The following FAM135B variants were observed in gnomAD, a reference collection of about 807,000 sequenced individuals.
FAM135B encodes family with sequence similarity 135 member B.
A neutral mutation model predicts 127.7 loss-of-function variants in FAM135B; 43 were observed. The observed-to-expected ratio is 0.34, with a 90% CI of 0.26 to 0.43. The LOEUF (loss-of-function observed/expected upper bound fraction) is 0.43. Ranked by LOEUF, FAM135B falls within the 20% of genes least tolerant of loss-of-function variation. The pLI is 1.00. For missense variants in FAM135B, 1,558 were observed against 1,725.6 expected (o/e 0.90, Z 1.72); for synonymous variants, 670 against 665.1 (o/e 1.01, Z -0.11).
At chr8:138,371,506 G>C (rs927571961) in intron 1 of FAM135B, among the ~76,000 whole-genome samples, 1 of 152,128 alleles carries the variant, frequency 6.6e-6, no homozygotes, top group African/African-American at 2.4e-5. Flanking sequence ...GTAGGACTGA[G>C]TTCAGGTGCA....
chr8:138,246,424 G>A (rs963545541), intron 6 of FAM135B, among the ~76,000 whole-genome samples: 2 of 152,146 alleles, frequency 1.3e-5, no homozygotes, highest in Non-Finnish European at 2.9e-5. Context: ...AGCTGCTCCA[G>A]TTGTGGCTAA....
At chr8:138,388,670 A>G (rs1333872002) in intron 1 of FAM135B, among the ~76,000 whole-genome samples, 1 of 152,218 alleles carries the variant, frequency 6.6e-6, no homozygotes, top group Non-Finnish European at 1.5e-5. Context: ...TATGATTCCA[A>G]ATATATGATG....
intron 1 of FAM135B, among the ~76,000 whole-genome samples, chr8:138,472,809 C>A (rs968389516): frequency 6.6e-6 from 1 of 152,156 alleles, no homozygotes; most frequent in Non-Finnish European, 1.5e-5. Flanking sequence ...AGACTGAGCG[C>A]TAGTAGATGC....
intron 3 of FAM135B, among the ~76,000 whole-genome samples, chr8:138,299,113 T>A (rs370839614): frequency 5.6e-4 from 80 of 143,140 alleles, no homozygotes; most frequent in East Asian, 3.7e-3. Flanking sequence ...ATAAATAAAA[T>A]AAAAATAAAA....
intron 3 of FAM135B, among the ~76,000 whole-genome samples, chr8:138,281,385 C>T (rs1183359835): frequency 1.3e-5 from 2 of 151,914 alleles, no homozygotes; most frequent in Non-Finnish European, 2.9e-5. Flanking sequence ...AAGGATGTCT[C>T]TACTGGCTGT....
chr8:138,308,944 C>T (rs749230224), intron 3 of FAM135B: 2 of 436,074 alleles, frequency 4.6e-6, no homozygotes, highest in Non-Finnish European at 4.5e-6. Flanking sequence ...GCAGGTTCCT[C>T]AAACCCCTGA....
At chr8:138,372,168 T>TAACC (rs1255833839) in intron 1 of FAM135B, among the ~76,000 whole-genome samples, 3 of 152,038 alleles carry the variant, frequency 2.0e-5, no homozygotes, top group African/African-American at 7.2e-5. Context: ...GTGAAGAGAG[T>TAACC]AACCACAGCA....
chr8:138,144,756 G>C (rs751945345), intron 15 of FAM135B, among the ~76,000 whole-genome samples: 1 of 152,176 alleles, frequency 6.6e-6, no homozygotes, highest in African/African-American at 2.4e-5. Context: ...ATTGTGTAAA[G>C]GTCCAGCTCT....
rs1302958077 is a variant in FAM135B at position 138,241,158 on chromosome 8, T to C, written c.669+1784A>G. On this transcript the variant is annotated intron_variant, in intron 7 of 19. Transcript: ENST00000395297. The surrounding 1 kb of genome is among the most constrained non-coding windows in gnomAD (Gnocchi z 4.8). ...ACCACGGGGAGCTTTGCCTCAGTGA[T>C]GGTCCTGTAGCAAAGGACCCACAGC... 6.6e-6 allele frequency among the ~76,000 whole-genome samples: 1 copy of C among 152,206 alleles called. No individual in the cohort carries two copies. Among genetic ancestry groups the C allele is most frequent in the Admixed American group, 6.5e-5 (1 of 15,282 alleles).
chr8:138,362,385 T>C (rs1185962160), intron 2 of FAM135B, among the ~76,000 whole-genome samples: 10 of 151,364 alleles, frequency 6.6e-5, no homozygotes, highest in Admixed American at 1.3e-4. Context: ...GCATGGACTA[T>C]GGTGCACATG....
rs562321581 is a variant in FAM135B, at chr8:138,241,860, A to G, written c.669+1082T>C. Among the ~76,000 whole-genome samples, 1 of 152,286 alleles carries G rather than the reference A, an allele frequency of 6.6e-6. No individual in the cohort carries two copies. Among genetic ancestry groups the G allele is most frequent in the South Asian group, 2.1e-4 (1 of 4,822 alleles). On this transcript the variant is annotated intron_variant, in intron 7 of 19. Transcript: ENST00000395297. The surrounding 1 kb of genome is among the most constrained non-coding windows in gnomAD (Gnocchi z 4.8). Reference sequence around the variant, plus strand: ...TGAACTGGTCAATTGAATAAAGCAGATAGCCCTCTCCAACATGAATAGGCC... The same window carrying G: ...TGAACTGGTCAATTGAATAAAGCAGGTAGCCCTCTCCAACATGAATAGGCC...
chr8:138,422,725 A>G (rs767786144), intron 1 of FAM135B, among the ~76,000 whole-genome samples: 30 of 152,206 alleles, frequency 2.0e-4, no homozygotes, highest in Non-Finnish European at 5.9e-5. Flanking sequence ...AAACAAAAAC[A>G]AAAAGCTATC....
At chr8:138,166,802 C>G (rs1261760677) in intron 12 of FAM135B, among the ~76,000 whole-genome samples, 2 of 152,046 alleles carry the variant, frequency 1.3e-5, no homozygotes, top group African/African-American at 4.8e-5. Flanking sequence ...TGGGTTAGAT[C>G]AAAGAATAAA....
chr8:138,277,939 T>C (rs1314850425), intron 3 of FAM135B, among the ~76,000 whole-genome samples: 1 of 152,060 alleles, frequency 6.6e-6, no homozygotes, highest in Non-Finnish European at 1.5e-5. Flanking sequence ...GAATCCCCAA[T>C]ATTATTCTCC....
At chr8:138,366,533 A>G (rs1298895631) in intron 2 of FAM135B, among the ~76,000 whole-genome samples, 2 of 152,146 alleles carry the variant, frequency 1.3e-5, no homozygotes, top group African/African-American at 2.4e-5. Flanking sequence ...ATGCTGCCCA[A>G]AACCCCTCCT....
chr8:138,372,726 A>G (rs868726427), intron 1 of FAM135B, among the ~76,000 whole-genome samples: 4 of 152,202 alleles, frequency 2.6e-5, no homozygotes, highest in Admixed American at 6.5e-5. Flanking sequence ...GTTACAGAAG[A>G]CATAACTAGG....
At chr8:138,200,973 T>A (rs6981214) in intron 7 of FAM135B, among the ~76,000 whole-genome samples, 113,012 of 152,144 alleles carry the variant, frequency 0.74, 42,376 homozygotes, top group East Asian at 0.83. Context: ...TGCGAGCTTG[T>A]CCTTTCTCAG....
At chr8:138,299,590 C>CACAT (rs1169154310) in intron 3 of FAM135B, among the ~76,000 whole-genome samples, 6 of 151,468 alleles carry the variant, frequency 4.0e-5, no homozygotes, top group South Asian at 2.1e-4. Context: ...CACACATACA[C>CACAT]ACACACACAC....
chr8:138,369,359 T>G (rs1243971619), intron 1 of FAM135B, among the ~76,000 whole-genome samples: 1 of 152,162 alleles, frequency 6.6e-6, no homozygotes, highest in Non-Finnish European at 1.5e-5. Context: ...CAGACCATTC[T>G]TGTGGTTCAG....
Sources: allele counts gnomAD v4.1 joint callset (sites outside exome capture counted in the v4.1 genomes callset), GRCh38; gene constraint gnomAD v4.1.1; non-coding constraint Gnocchi (gnomAD v3.1); transcripts MANE v1.5; gene names NCBI Gene and HGNC (gene_info 2026-07-23, HGNC 2026-07-21).